The following PTPRT variants were observed in gnomAD, a reference collection of about 807,000 sequenced individuals.
PTPRT encodes receptor-type tyrosine-protein phosphatase T.
A neutral mutation model predicts 176.8 loss-of-function variants in PTPRT; 56 were observed. The ratio of observed to expected loss-of-function variants is 0.32; its 90% CI spans 0.26 to 0.40. PTPRT has a LOEUF of 0.40. PTPRT is among the 10% of genes least tolerant of loss of function. The pLI is 1.00. For synonymous variants in PTPRT, 783 were observed against 739.0 expected (o/e 1.06, Z -0.96); for missense variants, 1,540 against 1,908.2 (o/e 0.81, Z 3.60).
chr20:42,614,922 CT>C (rs559377337), intron 7 of PTPRT, among the ~76,000 whole-genome samples: 30,877 of 137,072 alleles, frequency 0.23, 4,438 homozygotes, highest in African/African-American at 0.43. Flanking sequence ...TTGTTGTTTT[CT>C]TTTTTTTTTT....
At chr20:42,756,780 T>A in intron 5 of PTPRT, 144 bp from the exon 6 acceptor site, 1 of 706,090 alleles carries the variant, frequency 1.4e-6, no homozygotes. Flanking sequence ...CCAGGCACAG[T>A]GGCTCATGCC....
intron 5 of PTPRT, among the ~76,000 whole-genome samples, chr20:42,768,942 T>C (rs555809149): frequency 1.3e-5 from 2 of 152,220 alleles, no homozygotes; most frequent in Non-Finnish European, 2.9e-5. Context: ...CATAAAATAA[T>C]TGGAAAACCC....
At chr20:42,996,666 G>A (rs912164818) in intron 1 of PTPRT, among the ~76,000 whole-genome samples, 2 of 152,164 alleles carry the variant, frequency 1.3e-5, no homozygotes, top group Non-Finnish European at 2.9e-5. Flanking sequence ...GATGTGGAAG[G>A]AAAGGGGGGC....
At chr20:42,281,536 T>C (rs1363306273) in intron 13 of PTPRT, among the ~76,000 whole-genome samples, 1 of 152,186 alleles carries the variant, frequency 6.6e-6, no homozygotes, top group Non-Finnish European at 1.5e-5. Flanking sequence ...CCCGTGTGTG[T>C]GTTTATGTTC....
intron 21 of PTPRT, among the ~76,000 whole-genome samples, chr20:42,117,042 C>T (rs1360068109): frequency 6.6e-6 from 1 of 152,126 alleles, no homozygotes; most frequent in Admixed American, 6.5e-5. Context: ...AGTCCAGCGT[C>T]AGATTTTGTG....
chr20:42,291,113 G>A (rs769718945), intron 12 of PTPRT, among the ~76,000 whole-genome samples: 2 of 152,072 alleles, frequency 1.3e-5, no homozygotes, highest in Admixed American at 1.3e-4. Flanking sequence ...TGACCTCAGC[G>A]TCTTTCCATA....
At position 42,486,148 on chromosome 20, in the gene PTPRT, C is replaced by T. The variant is rs551373991; in HGVS notation, c.1154-13586G>A. ...GGGTTAAAATGCACATGGTCTGTTT[C>T]CTGACTGACCCCTCTAATAGGGGCT... On this transcript the variant is annotated intron_variant, in intron 7 of 30. Transcript: ENST00000373187. Among the ~76,000 whole-genome samples, 7 of 152,350 alleles carry T rather than the reference C, an allele frequency of 4.6e-5. No individual in the cohort carries two copies. In the South Asian group the frequency reaches 6.2e-4, roughly 14 times the overall value.
intron 2 of PTPRT, among the ~76,000 whole-genome samples, chr20:42,876,802 A>C (rs2145839699): frequency 6.6e-6 from 1 of 152,288 alleles, no homozygotes; most frequent in South Asian, 2.1e-4. Flanking sequence ...AACGAGAGGC[A>C]GTCCATACCC....
intron 7 of PTPRT, among the ~76,000 whole-genome samples, chr20:42,583,942 T>C (rs570918715): frequency 1.3e-5 from 2 of 152,300 alleles, no homozygotes; most frequent in African/African-American, 4.8e-5. Flanking sequence ...CAGCCAATTC[T>C]AGATTTGAGT....
chr20:42,038,026 G>C, the PTPRT span, among the ~76,000 whole-genome samples: 1 of 152,134 alleles, frequency 6.6e-6, no homozygotes, highest in Non-Finnish European at 1.5e-5. Context: ...ACACCCTACA[G>C]GGTAGATTCT....
chr20:42,041,529 G>A, the PTPRT span, among the ~76,000 whole-genome samples: 1 of 152,006 alleles, frequency 6.6e-6, no homozygotes, highest in Non-Finnish European at 1.5e-5. Flanking sequence ...ACATTACATT[G>A]TTCAGCCCCT....
chr20:42,671,396 A>G (rs2075410198), intron 7 of PTPRT, among the ~76,000 whole-genome samples: 1 of 152,182 alleles, frequency 6.6e-6, no homozygotes. Context: ...TGGGTGGGCA[A>G]CACACAGCAA....
chr20:42,946,658 T>C (rs936018839), intron 1 of PTPRT, among the ~76,000 whole-genome samples: 6 of 152,176 alleles, frequency 3.9e-5, no homozygotes, highest in African/African-American at 1.4e-4. Flanking sequence ...CACCCATTAC[T>C]TCCTAGTGGG....
At chr20:43,017,492 G>T (rs997779002) in intron 1 of PTPRT, among the ~76,000 whole-genome samples, 8 of 152,112 alleles carry the variant, frequency 5.3e-5, no homozygotes, top group African/African-American at 1.9e-4. Flanking sequence ...TGTTATGTCT[G>T]TCTGTCTTCC....
chr20:42,169,876 C>T (rs6065437), intron 16 of PTPRT, among the ~76,000 whole-genome samples: 23,627 of 150,100 alleles, frequency 0.16, 2,179 homozygotes, highest in Non-Finnish European at 0.2. Context: ...TTGGTGGGGG[C>T]GGGGGCAGGG....
chr20:42,672,221 C>T (rs1053619963), intron 7 of PTPRT, among the ~76,000 whole-genome samples: 3 of 152,190 alleles, frequency 2.0e-5, no homozygotes, highest in Non-Finnish European at 4.4e-5. Flanking sequence ...TGGGTGAACA[C>T]AATCTAATCA....
At position 43,189,862 on chromosome 20, in the gene PTPRT, C is replaced by T. The variant is rs991428129; in HGVS notation, c.-129G>A. The T allele has an allele frequency of 8.8e-5, 24 of 273,574 alleles. No homozygotes were observed. Among genetic ancestry groups the T allele is most frequent in the East Asian group, 6.0e-4 (3 of 4,978 alleles). 16.9% of individuals were successfully genotyped at this position (273,574 alleles called of 1,614,324 possible). A position where few individuals can be genotyped will look rare whatever the true frequency, so the allele number is the denominator to read the frequency against. On this transcript the variant is annotated 5_prime_UTR_variant, in exon 1 of 31. Transcript: ENST00000373187. This position sits in a 1 kb window ranked among gnomAD's most constrained non-coding sequence, Gnocchi z 5.0. ...GCGCGGCTGGCTCCGCTCGGGCTCC[C>T]GGAGCCGGCGCTCCTGCGTTCCAAG...
At chr20:42,615,422 C>A (rs2145837742) in intron 7 of PTPRT, among the ~76,000 whole-genome samples, 1 of 138,140 alleles carries the variant, frequency 7.2e-6, no homozygotes, top group East Asian at 2.0e-4. Flanking sequence ...TTTATAGCAG[C>A]ATGATTTATA....
At chr20:42,754,517 G>C (rs1158652921) in intron 6 of PTPRT, among the ~76,000 whole-genome samples, 1 of 146,336 alleles carries the variant, frequency 6.8e-6, no homozygotes, top group Non-Finnish European at 1.5e-5. Context: ...GGCCTCAGGT[G>C]ATCGATCTGT....
Sources: allele counts gnomAD v4.1 joint callset (sites outside exome capture counted in the v4.1 genomes callset), GRCh38; gene constraint gnomAD v4.1.1; non-coding constraint Gnocchi (gnomAD v3.1); transcripts MANE v1.5; gene names NCBI Gene and HGNC (gene_info 2026-07-23, HGNC 2026-07-21).